The following CCSER1 variants were observed in gnomAD, a reference collection of about 807,000 sequenced individuals.
CCSER1 encodes the protein coiled-coil serine rich protein 1.
In CCSER1, 41 loss-of-function variants were observed where a neutral mutation model predicts 82.0. That is an observed-to-expected ratio of 0.50 (90% confidence interval 0.39 to 0.65). The LOEUF is 0.65. CCSER1 is among the 30% of genes least tolerant of loss of function. CCSER1 has a pLI of 0.00. For synonymous variants in CCSER1, 414 were observed against 383.9 expected (o/e 1.08, Z -0.92); for missense variants, 1,119 against 1,064.2 (o/e 1.05, Z -0.72).
At chr4:91,476,174 T>A (rs1757584074) in intron 10 of CCSER1, among the ~76,000 whole-genome samples, 1 of 151,822 alleles carries the variant, frequency 6.6e-6, no homozygotes, top group South Asian at 2.1e-4. Context: ...GATGGGTAGA[T>A]TATATGGTAG....
At chr4:90,929,607 A>T (rs964027887) in intron 9 of CCSER1, among the ~76,000 whole-genome samples, 1 of 152,206 alleles carries the variant, frequency 6.6e-6, no homozygotes, top group African/African-American at 2.4e-5. Context: ...TCAGTGAACC[A>T]AAAGCCCTTT....
intron 10 of CCSER1, among the ~76,000 whole-genome samples, chr4:91,426,319 G>A (rs12644030): frequency 0.14 from 21,427 of 152,016 alleles, 1,997 homozygotes; most frequent in African/African-American, 0.26. Context: ...CCAAGTCTTC[G>A]TTATTGTGAA....
At chr4:90,665,392 G>A (rs1035242526) in intron 6 of CCSER1, among the ~76,000 whole-genome samples, 2 of 151,782 alleles carry the variant, frequency 1.3e-5, no homozygotes, top group African/African-American at 4.8e-5. Flanking sequence ...CGTGATCTCG[G>A]CTCACTGCAG....
intron 10 of CCSER1, among the ~76,000 whole-genome samples, chr4:91,449,076 G>A (rs926027965): frequency 1.3e-5 from 2 of 151,974 alleles, no homozygotes; most frequent in African/African-American, 4.8e-5. Context: ...GTAGAAACCT[G>A]TAGAAAGAAT....
At chr4:90,475,175 A>T (rs1281218721) in intron 5 of CCSER1, among the ~76,000 whole-genome samples, 1 of 152,304 alleles carries the variant, frequency 6.6e-6, no homozygotes, top group Non-Finnish European at 1.5e-5. Flanking sequence ...AATTCTTATG[A>T]TTCTTTACTA....
At chr4:90,957,251 C>CG (rs1554050083) in intron 9 of CCSER1, among the ~76,000 whole-genome samples, 9 of 146,946 alleles carry the variant, frequency 6.1e-5, no homozygotes, top group Non-Finnish European at 9.0e-5. Context: ...ACAGGCCCCC[C>CG]CCACCACGTC....
At chr4:90,811,899 G>GAA (rs1758350728) in intron 7 of CCSER1, among the ~76,000 whole-genome samples, 1 of 102,480 alleles carries the variant, frequency 9.8e-6, no homozygotes, top group Non-Finnish European at 2.0e-5. Context: ...AGAACTGATG[G>GAA]AATATATATA....
At chr4:91,238,416 A>G (rs933731879) in intron 10 of CCSER1, among the ~76,000 whole-genome samples, 1 of 152,222 alleles carries the variant, frequency 6.6e-6, no homozygotes, top group African/African-American at 2.4e-5. Flanking sequence ...CACTTGGCTG[A>G]TATTTTGATT....
At chr4:91,514,624 T>TA (rs1760001895) in intron 10 of CCSER1, among the ~76,000 whole-genome samples, 1 of 97,724 alleles carries the variant, frequency 1.0e-5, no homozygotes, top group Non-Finnish European at 2.5e-5. Context: ...GAATCTGGGT[T>TA]CAAAAATAGA....
rs953805055 is a variant in CCSER1 at position 91,275,063 on chromosome 4, G to A, written c.2217+189069G>A. Among the ~76,000 whole-genome samples the A allele has an allele frequency of 6.6e-5, 10 of 151,680 alleles. No individual in the cohort carries two copies. The East Asian group carries it at 1.4e-3, about 21-fold the overall frequency. On this transcript the variant is annotated intron_variant, in intron 10 of 10. Transcript: ENST00000509176. ...AGAGCTTGCAGTGAGCCGAGATCGC[G>A]CCACTGCACTCCAGCCTGGGTGACA...
intron 10 of CCSER1, among the ~76,000 whole-genome samples, chr4:91,345,808 C>T (rs1330815751): frequency 6.6e-6 from 1 of 152,010 alleles, no homozygotes; most frequent in Non-Finnish European, 1.5e-5. Flanking sequence ...GTTTCACTTC[C>T]CTAAATTGCC....
chr4:90,757,371 G>A (rs780014356), intron 7 of CCSER1, among the ~76,000 whole-genome samples: 1 of 152,174 alleles, frequency 6.6e-6, no homozygotes, highest in Non-Finnish European at 1.5e-5. Flanking sequence ...GTATCATTCA[G>A]GTTAAAACTG....
In CCSER1 at chr4:90,825,559, G is replaced by A. The variant is rs913948422; in HGVS notation, c.2094+9714G>A. 2.6e-5 allele frequency among the ~76,000 whole-genome samples: 4 copies of A among 152,024 alleles called. No homozygotes were observed. The East Asian group carries it at 7.7e-4, about 29-fold the overall frequency. ...GAAGGGGAAATATGTGTTTTTTTGT[G>A]TGTAACTGGGCCGTCAAAAACAAAA... On this transcript the variant is annotated intron_variant, in intron 8 of 10. Transcript: ENST00000509176.
chr4:91,330,913 C>G (rs981142304), intron 10 of CCSER1, among the ~76,000 whole-genome samples: 1 of 152,254 alleles, frequency 6.6e-6, no homozygotes, highest in East Asian at 1.9e-4. Flanking sequence ...TTTTGGGAAG[C>G]ATGATAAATT....
At chr4:91,394,663 G>A (rs1426746875) in intron 10 of CCSER1, among the ~76,000 whole-genome samples, 3 of 151,992 alleles carry the variant, frequency 2.0e-5, no homozygotes, top group African/African-American at 4.8e-5. Context: ...AGCATTGAAT[G>A]TTTGTTTTGA....
At chr4:91,178,777 C>A (rs1733680771) in intron 10 of CCSER1, among the ~76,000 whole-genome samples, 1 of 152,042 alleles carries the variant, frequency 6.6e-6, no homozygotes, top group Admixed American at 6.6e-5. Context: ...CAGTCTGTTT[C>A]TTTTAATGAG....
intron 9 of CCSER1, among the ~76,000 whole-genome samples, chr4:90,963,287 C>A (rs552777804): frequency 6.6e-6 from 1 of 151,772 alleles, no homozygotes; most frequent in East Asian, 1.9e-4. Flanking sequence ...TAACAGAATC[C>A]CAAAACTAGG....
intron 3 of CCSER1, among the ~76,000 whole-genome samples, chr4:90,315,168 A>C (rs1251271531): frequency 1.3e-5 from 2 of 152,048 alleles, no homozygotes; most frequent in African/African-American, 4.8e-5. Context: ...CGCTTTTAAG[A>C]TTTAAAACTT....
chr4:91,136,039 T>G (rs927016701), intron 10 of CCSER1, among the ~76,000 whole-genome samples: 2 of 152,206 alleles, frequency 1.3e-5, no homozygotes, highest in Admixed American at 1.3e-4. Context: ...GTATGTGGTG[T>G]TATACTGGTC....
Sources: allele counts gnomAD v4.1 joint callset (sites outside exome capture counted in the v4.1 genomes callset), GRCh38; gene constraint gnomAD v4.1.1; transcripts MANE v1.5; gene names NCBI Gene and HGNC (gene_info 2026-07-23, HGNC 2026-07-21).